ENTREP2: variants seen among roughly 807,000 people sequenced by gnomAD.
ENTREP2 encodes protein ENTREP2.
chr15:29,381,784 G>A, the ENTREP2 span: 6 of 1,551,464 alleles, frequency 3.9e-6, no homozygotes, highest in Non-Finnish European at 5.2e-6. Flanking sequence ...CCACAAGGGA[G>A]AGAGGCCTCT....
chr15:29,461,971 T>C, the ENTREP2 span, among the ~76,000 whole-genome samples: 2 of 152,180 alleles, frequency 1.3e-5, no homozygotes, highest in Non-Finnish European at 2.9e-5. Context: ...TTGACTACTC[T>C]ATGTCCCTCA....
chr15:29,507,176 G>A, the ENTREP2 span, among the ~76,000 whole-genome samples: 1 of 152,126 alleles, frequency 6.6e-6, no homozygotes, highest in South Asian at 2.1e-4. Context: ...TTACATAATG[G>A]TAAAAGAATC....
the ENTREP2 span, chr15:29,123,248 G>T: frequency 7.5e-7 from 1 of 1,334,074 alleles, no homozygotes; most frequent in Non-Finnish European, 1.0e-6. Context: ...GCCAAGCTGG[G>T]CCTGAAGGCC....
chr15:29,254,876 A>T, the ENTREP2 span, among the ~76,000 whole-genome samples: 1 of 151,996 alleles, frequency 6.6e-6, no homozygotes, highest in Non-Finnish European at 1.5e-5. Flanking sequence ...ACAAACAAAA[A>T]CCTGGTTCCC....
chr15:29,528,913 C>T, the ENTREP2 span, among the ~76,000 whole-genome samples: 1 of 151,956 alleles, frequency 6.6e-6, no homozygotes, highest in East Asian at 2.0e-4. Context: ...CTGGGTAAAA[C>T]TATGTTACTC....
the ENTREP2 span, among the ~76,000 whole-genome samples, chr15:29,532,643 T>C: frequency 3.3e-5 from 5 of 152,222 alleles, no homozygotes; most frequent in South Asian, 1.0e-3. Context: ...CCAAGTTAAA[T>C]TAGCTAAACC....
At chr15:29,435,889 C>A in the ENTREP2 span, among the ~76,000 whole-genome samples, 2 of 152,092 alleles carry the variant, frequency 1.3e-5, no homozygotes, top group African/African-American at 4.8e-5. Flanking sequence ...GTCCCTCAGG[C>A]CTGGTTGCTC....
the ENTREP2 span, among the ~76,000 whole-genome samples, chr15:29,669,486 C>T: frequency 6.6e-6 from 1 of 152,184 alleles, no homozygotes; most frequent in African/African-American, 2.4e-5. Flanking sequence ...CTTGGACTTC[C>T]CAGCCTCCAG....
At chr15:29,151,484 A>C in the ENTREP2 span, among the ~76,000 whole-genome samples, 1 of 152,210 alleles carries the variant, frequency 6.6e-6, no homozygotes, top group East Asian at 1.9e-4. Context: ...GGCACATGCC[A>C]GGGGCCATCC....
At chr15:29,480,961 C>G in the ENTREP2 span, among the ~76,000 whole-genome samples, 1 of 152,124 alleles carries the variant, frequency 6.6e-6, no homozygotes, top group African/African-American at 2.4e-5. Flanking sequence ...TGCAGAGGAA[C>G]CCAGGGGAAC....
chr15:29,533,435 C>T, the ENTREP2 span, among the ~76,000 whole-genome samples: 2 of 152,098 alleles, frequency 1.3e-5, no homozygotes, highest in African/African-American at 2.4e-5. Context: ...GAAAAGTGAC[C>T]GGGACACAGC....
the ENTREP2 span, among the ~76,000 whole-genome samples, chr15:29,600,648 C>T: frequency 6.6e-6 from 1 of 151,982 alleles, no homozygotes; most frequent in Non-Finnish European, 1.5e-5. Context: ...TTATTTGATT[C>T]TTTTGTAGGG....
At chr15:29,467,715 C>T in the ENTREP2 span, among the ~76,000 whole-genome samples, 26 of 152,302 alleles carry the variant, frequency 1.7e-4, no homozygotes, top group South Asian at 5.0e-3. Context: ...GGAAGTTGAA[C>T]ATCCGTAGCC....
At chr15:29,538,366 C>T in the ENTREP2 span, among the ~76,000 whole-genome samples, 5 of 152,036 alleles carry the variant, frequency 3.3e-5, no homozygotes, top group African/African-American at 4.8e-5. Context: ...AGCCAGAGAG[C>T]TGAAGAGGCA....
the ENTREP2 span, among the ~76,000 whole-genome samples, chr15:29,365,687 A>G: frequency 6.6e-6 from 1 of 150,580 alleles, no homozygotes. Context: ...AGCCGCTTTT[A>G]GTATTTCTGA....
chr15:29,660,086 G>A, the ENTREP2 span, among the ~76,000 whole-genome samples: 3 of 152,172 alleles, frequency 2.0e-5, no homozygotes, highest in Non-Finnish European at 4.4e-5. Flanking sequence ...TCAGGCGTGA[G>A]CCACCACACC....
At chr15:29,135,767 G>T in the ENTREP2 span, among the ~76,000 whole-genome samples, 2 of 152,232 alleles carry the variant, frequency 1.3e-5, no homozygotes, top group South Asian at 4.1e-4. The surrounding 1 kb of genome is among the most constrained non-coding windows in gnomAD (Gnocchi z 7.4). Context: ...AGAGAAGGCT[G>T]AAAGGACCTG....
the ENTREP2 span, among the ~76,000 whole-genome samples, chr15:29,627,906 T>G: frequency 2.3e-4 from 35 of 152,356 alleles, no homozygotes; most frequent in African/African-American, 8.4e-4. Context: ...GGTGGGCTCT[T>G]GGGTTCTTTT....
At chr15:29,414,528 A>C in the ENTREP2 span, among the ~76,000 whole-genome samples, 1 of 152,206 alleles carries the variant, frequency 6.6e-6, no homozygotes, top group East Asian at 1.9e-4. Flanking sequence ...ATAGCACTAA[A>C]TGCCCACAAG....
Sources: gnomAD v4.1 joint callset for allele counts (sites outside exome capture counted in the v4.1 genomes callset) on GRCh38, gnomAD v4.1.1 for gene constraint, Gnocchi (gnomAD v3.1) non-coding constraint, MANE v1.5 for transcripts, NCBI Gene and HGNC (gene_info 2026-07-23, HGNC 2026-07-21) for gene names.